Variants in IPO11 observed in about 807,000 individuals in gnomAD.
The protein encoded by IPO11 is importin-11.
In IPO11, 66 loss-of-function variants were observed where a neutral mutation model predicts 143.2. The observed-to-expected ratio is 0.46, with a 90% CI of 0.38 to 0.57. The LOEUF (loss-of-function observed/expected upper bound fraction) is 0.57. Ranked by LOEUF, IPO11 falls within the 20% of genes least tolerant of loss-of-function variation. IPO11 has a pLI of 0.00. For missense variants in IPO11, 1,026 were observed against 1,141.0 expected, an observed-to-expected ratio of 0.90 and a Z score of 1.45; for synonymous variants, 385 against 377.8, an observed-to-expected ratio of 1.02 and a Z score of -0.22.
intron 26 of IPO11, among the ~76,000 whole-genome samples, chr5:62,558,263 G>C (rs1743644363): frequency 6.6e-6 from 1 of 152,186 alleles, no homozygotes; most frequent in Non-Finnish European, 1.5e-5. Flanking sequence ...TTTTGAATCT[G>C]CAGGAGTACA....
At chr5:62,557,436 G>A (rs545084642) in intron 26 of IPO11, among the ~76,000 whole-genome samples, 1 of 152,250 alleles carries the variant, frequency 6.6e-6, no homozygotes, top group African/African-American at 2.4e-5. Context: ...ACCCGCCTCG[G>A]CCTCCCAAAG....
intron 8 of IPO11, among the ~76,000 whole-genome samples, chr5:62,474,751 C>T (rs753831618): frequency 3.3e-5 from 5 of 152,136 alleles, no homozygotes; most frequent in Admixed American, 2.0e-4. Context: ...CCTTGGACTA[C>T]GAACCAAGAC....
At chr5:62,578,751 A>G (rs1189757956) in intron 27 of IPO11, 5 of 467,050 alleles carry the variant, frequency 1.1e-5, no homozygotes, top group Non-Finnish European at 2.2e-5. Context: ...ACTGTAAAGG[A>G]ACCAATGTGA....
intron 29 of IPO11, among the ~76,000 whole-genome samples, chr5:62,624,029 G>A (rs1008574981): frequency 2.7e-5 from 4 of 148,134 alleles, no homozygotes; most frequent in African/African-American, 1.0e-4. Context: ...TCCCCCCACC[G>A]TTTTTTTTGT....
rs1457200035 is a variant in IPO11 at position 62,442,086 on chromosome 5, C to T, written c.139-897C>T. On this transcript the variant is annotated intron_variant, in intron 2 of 29. Coordinates refer to ENST00000325324, the MANE Select transcript of IPO11 (RefSeq NM_016338.5). The stretch of plus-strand genomic sequence containing the variant: ...GTCTCGATCTCCTGACCTCGTGATT[C>T]GCCTGCCTCGACCTCCCAAAGTGCT... Among the ~76,000 whole-genome samples the T allele has an allele frequency of 3.9e-5, 6 of 152,014 alleles. No homozygotes were observed. In the East Asian group the frequency reaches 5.8e-4, roughly 15 times the overall value.
At chr5:62,546,341 C>T (rs550443831) in intron 24 of IPO11, among the ~76,000 whole-genome samples, 2 of 152,054 alleles carry the variant, frequency 1.3e-5, no homozygotes, top group South Asian at 2.1e-4. Flanking sequence ...AGCAAAGTAT[C>T]GCAAGGATAG....
chr5:62,444,690 G>A (rs982333748), intron 3 of IPO11, among the ~76,000 whole-genome samples: 11 of 151,850 alleles, frequency 7.2e-5, no homozygotes, highest in African/African-American at 4.8e-5. Context: ...CCAACATGGC[G>A]AAACCCCACC....
intron 16 of IPO11, among the ~76,000 whole-genome samples, chr5:62,498,194 T>C (rs1243075952): frequency 6.6e-6 from 1 of 152,168 alleles, no homozygotes; most frequent in Non-Finnish European, 1.5e-5. Context: ...CCAGTGTTTG[T>C]ACTTACTGTT....
intron 9 of IPO11, among the ~76,000 whole-genome samples, chr5:62,478,200 CTG>C (rs1178015415): frequency 1.3e-5 from 2 of 152,146 alleles, no homozygotes; most frequent in East Asian, 3.9e-4. Flanking sequence ...GGGTCTGACT[CTG>C]TCACCCACGC....
At chr5:62,612,890 A>G (rs1745978389) in intron 29 of IPO11, among the ~76,000 whole-genome samples, 1 of 152,238 alleles carries the variant, frequency 6.6e-6, no homozygotes, top group Non-Finnish European at 1.5e-5. Context: ...TGCTGTCTTT[A>G]TGTACTTCTA....
chr5:62,526,859 A>G (rs1396748838), intron 21 of IPO11: 2 of 152,152 alleles, frequency 1.3e-5, no homozygotes, highest in Admixed American at 6.5e-5. Flanking sequence ...CAATCTTTCA[A>G]TAATACATGA....
chr5:62,627,069 A>T, intron 29 of IPO11, 85 bp from the exon 30 acceptor site: 1 of 1,212,970 alleles, frequency 8.2e-7, no homozygotes, highest in Admixed American at 2.1e-5. Context: ...ACTGTAGAAG[A>T]GATTACAAAG....
intron 26 of IPO11, among the ~76,000 whole-genome samples, chr5:62,552,557 C>A (rs1743425134): frequency 6.6e-6 from 1 of 150,656 alleles, no homozygotes; most frequent in African/African-American, 2.4e-5. Context: ...AGTGATCTTC[C>A]CACCTTGGCC....
chr5:62,503,224 T>TA (rs903416768), intron 16 of IPO11, among the ~76,000 whole-genome samples: 31 of 151,928 alleles, frequency 2.0e-4, no homozygotes, highest in Admixed American at 6.6e-4. Context: ...GCTGGGAACT[T>TA]AAAGATGTTT....
chr5:62,442,458 A>G (rs1267603674), intron 2 of IPO11, among the ~76,000 whole-genome samples: 1 of 152,220 alleles, frequency 6.6e-6, no homozygotes, highest in Non-Finnish European at 1.5e-5. Context: ...TGAACAGTTA[A>G]CATACAACTG....
chr5:62,492,229 GA>G (rs1384393278), intron 15 of IPO11, among the ~76,000 whole-genome samples: 3 of 152,118 alleles, frequency 2.0e-5, no homozygotes, highest in African/African-American at 7.2e-5. Context: ...TCTTTATCTG[GA>G]ACAGAGTCTA....
At chr5:62,595,074 G>A (rs1745167031) in intron 28 of IPO11, among the ~76,000 whole-genome samples, 1 of 152,182 alleles carries the variant, frequency 6.6e-6, no homozygotes, top group African/African-American at 2.4e-5. Flanking sequence ...CAGACCAGTG[G>A]AACAACCTGG....
chr5:62,504,717 T>C lies in IPO11; in HGVS notation c.1624+17T>C. On this transcript the variant is annotated intron_variant, in intron 17 of 29. Transcript: ENST00000325324. Reference sequence around the variant, plus strand: ...TGAAGTTAAATATCCTTCTGAAAATTTAAAAATACTTCATTGCAAAGAACT... The same window carrying C: ...TGAAGTTAAATATCCTTCTGAAAATCTAAAAATACTTCATTGCAAAGAACT... 1 of 1,472,584 alleles carries C rather than the reference T, an allele frequency of 6.8e-7. No individual in the cohort carries two copies. The highest frequency in any genetic ancestry group is 2.4e-5 in the East Asian group (1 of 42,360). 91.2% of individuals were successfully genotyped at this position (1,472,584 alleles called of 1,614,324 possible).
chr5:62,618,887 C>A (rs1217289434), intron 29 of IPO11, among the ~76,000 whole-genome samples: 1 of 152,044 alleles, frequency 6.6e-6, no homozygotes, highest in South Asian at 2.1e-4. Context: ...AGTGGTTTTA[C>A]CAGAATGTAC....
Sources: allele counts gnomAD v4.1 joint callset (sites outside exome capture counted in the v4.1 genomes callset), GRCh38; gene constraint gnomAD v4.1.1; transcripts MANE v1.5; gene names NCBI Gene and HGNC (gene_info 2026-07-23, HGNC 2026-07-21).